POU2F1: variants seen among roughly 807,000 people sequenced by gnomAD.
The protein encoded by POU2F1 is POU domain, class 2, transcription factor 1.
In POU2F1, 16 loss-of-function variants were observed where a neutral mutation model predicts 84.9. The ratio of observed to expected loss-of-function variants is 0.19; its 90% confidence interval spans 0.13 to 0.29. The LOEUF is 0.29. Ranked by LOEUF, POU2F1 falls within the 10% of genes least tolerant of loss-of-function variation. POU2F1 has a pLI of 1.00. For missense variants in POU2F1, 738 were observed against 942.6 expected, an observed-to-expected ratio of 0.78 and a Z score of 2.84; for synonymous variants, 368 against 368.3, an observed-to-expected ratio of 1.00 and a Z score of 0.01.
At position 167,384,263 on chromosome 1, in the gene POU2F1, A is replaced by G. The variant is rs141743868; in HGVS notation, c.813+312A>G. ...ATATTACCACTTAAACTGGAAACCT[A>G]GTGAGCCTCAGTTAAAAATCCATTG... On this transcript the variant is annotated intron_variant, in intron 8 of 15. Transcript: ENST00000367866. Among the ~76,000 whole-genome samples the G allele has an allele frequency of 2.2e-3, 336 of 152,324 alleles. 4 individuals are homozygous for G. The highest frequency in any genetic ancestry group is 7.9e-3 in the African/African-American group (329 of 41,574).
chr1:167,328,305 TTA>T (rs1425528243), intron 1 of POU2F1, among the ~76,000 whole-genome samples: 1 of 152,200 alleles, frequency 6.6e-6, no homozygotes, highest in Non-Finnish European at 1.5e-5. Flanking sequence ...TCTATACTCT[TTA>T]AGATACTTTA....
intron 1 of POU2F1, among the ~76,000 whole-genome samples, chr1:167,291,326 T>G (rs562368108): frequency 6.6e-6 from 1 of 152,326 alleles, no homozygotes; most frequent in East Asian, 1.9e-4. Flanking sequence ...CCAGAAGAGA[T>G]AAAGGTTGCC....
intron 2 of POU2F1, among the ~76,000 whole-genome samples, chr1:167,347,664 A>G (rs1454751088): frequency 6.6e-6 from 1 of 152,150 alleles, no homozygotes; most frequent in Non-Finnish European, 1.5e-5. Context: ...AGGAAACCCT[A>G]TACCCCTTAA....
At position 167,225,514 on chromosome 1, in the gene POU2F1, T is replaced by C. The variant is rs1253037639; in HGVS notation, c.61+4556T>C. 3.9e-4 allele frequency among the ~76,000 whole-genome samples: 59 copies of C among 152,254 alleles called. 1 individual carries two copies. Among genetic ancestry groups the C allele is most frequent in the Admixed American group, 3.8e-3 (58 of 15,288 alleles). Reference sequence around the variant, plus strand: ...ATTGTCAATCTGCCATTCATCTGGTTAGTGGATTTTGCAATAAGTTCAGGG... The same window carrying C: ...ATTGTCAATCTGCCATTCATCTGGTCAGTGGATTTTGCAATAAGTTCAGGG... On this transcript the variant is annotated intron_variant, in intron 1 of 15. Coordinates refer to ENST00000367866, the MANE Select transcript of POU2F1 (RefSeq NM_002697.4).
Position 167,300,275 on chromosome 1 carries a change from G to A in POU2F1, c.62-32195G>A, listed in dbSNP as rs561667713. On this transcript the variant is annotated intron_variant, in intron 1 of 15. Transcript: ENST00000367866. ...GACACTGGGGACTCCAAAACGGTCAGGAGGAAGGAGAGCAAGGGTTAAAAA... is the reference window on the plus strand; with the variant it reads ...GACACTGGGGACTCCAAAACGGTCAAGAGGAAGGAGAGCAAGGGTTAAAAA... 3.3e-5 allele frequency among the ~76,000 whole-genome samples: 5 copies of A among 152,240 alleles called. No individual in the cohort carries two copies. In the East Asian group the frequency reaches 9.7e-4, roughly 29 times the overall value.
chr1:167,261,035 A>G (rs756146744), intron 1 of POU2F1, among the ~76,000 whole-genome samples: 37 of 152,154 alleles, frequency 2.4e-4, no homozygotes, highest in Non-Finnish European at 5.1e-4. Context: ...TCAGGGTCTC[A>G]ACTTTAAACC....
chr1:167,349,482 G>A (rs534830250), intron 2 of POU2F1, among the ~76,000 whole-genome samples: 1 of 152,046 alleles, frequency 6.6e-6, no homozygotes, highest in African/African-American at 2.4e-5. Context: ...TTCCCAACTA[G>A]AATGTAAGCT....
At position 167,224,597 on chromosome 1, in the gene POU2F1, G is replaced by T. The variant is rs571055442; in HGVS notation, c.61+3639G>T. 5.9e-5 allele frequency among the ~76,000 whole-genome samples: 9 copies of T among 152,206 alleles called. No homozygotes were observed. The South Asian group carries it at 1.2e-3, about 21-fold the overall frequency. ...TTTTGACATATTAATAGATTTTCTTGTAAGACATTTCTCATATTTTTAATT... is the reference window on the plus strand; with the variant it reads ...TTTTGACATATTAATAGATTTTCTTTTAAGACATTTCTCATATTTTTAATT... On this transcript the variant is annotated intron_variant, in intron 1 of 15. Transcript: ENST00000367866.
At position 167,415,934 on chromosome 1, in the gene POU2F1, G is replaced by C; in HGVS notation, c.*124G>C. 1.7e-5 allele frequency: 8 copies of C among 459,576 alleles called. No homozygotes were observed. The highest frequency in any genetic ancestry group is 1.5e-5 in the Non-Finnish European group (4 of 275,720). The allele number at this position is 459,576 out of a possible 1,614,324, so 28.5% of individuals were successfully genotyped here. A position where few individuals can be genotyped will look rare whatever the true frequency, so the allele number is the denominator to read the frequency against. On this transcript the variant is annotated 3_prime_UTR_variant, in exon 16 of 16. Coordinates refer to ENST00000367866, the MANE Select transcript of POU2F1 (RefSeq NM_002697.4). The stretch of plus-strand genomic sequence containing the variant: ...CGCCGTGTTGTGAGGGCAAAGGAGA[G>C]AAGGGAGAAAAAAAAAAAAAAACCA...
In POU2F1 at chr1:167,381,685, A is replaced by G. The variant is rs561095258; in HGVS notation, c.719-2172A>G. 3.4e-3 allele frequency among the ~76,000 whole-genome samples: 456 copies of G among 132,360 alleles called. 1 individual carries two copies. Among genetic ancestry groups the G allele is most frequent in the Middle Eastern group, 6.0e-3 (1 of 166 alleles). The allele number at this position is 132,360 out of a possible 152,430, so 86.8% of individuals were successfully genotyped here. On this transcript the variant is annotated intron_variant, in intron 7 of 15. Coordinates refer to ENST00000367866, the MANE Select transcript of POU2F1 (RefSeq NM_002697.4). ...GAGTACAGTGGCGCAGTCTTGTCTT[A>G]ACACAACCTCTGCCTCCTGGGTTCA...
At chr1:167,389,564 ATT>A (rs1557950123) in intron 8 of POU2F1, 22 bp from the exon 9 acceptor site, 3 of 1,612,348 alleles carry the variant, frequency 1.9e-6, no homozygotes, top group Non-Finnish European at 2.5e-6. Flanking sequence ...GTTTTTCCTC[ATT>A]GTTTTATTCT....
At chr1:167,276,145 T>C (rs558787543) in intron 1 of POU2F1, among the ~76,000 whole-genome samples, 2 of 152,366 alleles carry the variant, frequency 1.3e-5, no homozygotes, top group African/African-American at 2.4e-5. Flanking sequence ...AGTTGCATGC[T>C]GTTCTGAGTA....
At chr1:167,257,468 G>A (rs549304648) in intron 1 of POU2F1, among the ~76,000 whole-genome samples, 3 of 152,150 alleles carry the variant, frequency 2.0e-5, no homozygotes, top group African/African-American at 4.8e-5. Flanking sequence ...GAGCCCTGAC[G>A]TCGATTTTCA....
At chr1:167,306,830 T>A (rs1370185571) in intron 1 of POU2F1, among the ~76,000 whole-genome samples, 1 of 152,178 alleles carries the variant, frequency 6.6e-6, no homozygotes, top group African/African-American at 2.4e-5. Flanking sequence ...AATGACCAGA[T>A]CTTAACATTT....
At position 167,419,131 on chromosome 1, in the gene POU2F1, A is replaced by G. The variant is rs1455305241; in HGVS notation, c.*3321A>G. Reference sequence around the variant, plus strand: ...ACGTATATATTTTTTTATCATCTCAAGAAATGCATTTTGAATTGAATGAAC... The same window carrying G: ...ACGTATATATTTTTTTATCATCTCAGGAAATGCATTTTGAATTGAATGAAC... On this transcript the variant is annotated 3_prime_UTR_variant, in exon 16 of 16. Transcript: ENST00000367866. The G allele has an allele frequency of 6.6e-6, 1 of 152,190 alleles. No homozygotes were observed. The highest frequency in any genetic ancestry group is 2.4e-5 in the African/African-American group (1 of 41,460). 9.4% of individuals were successfully genotyped at this position (152,190 alleles called of 1,614,324 possible).
chr1:167,240,093 A>G (rs1441285640), intron 1 of POU2F1, among the ~76,000 whole-genome samples: 1 of 152,204 alleles, frequency 6.6e-6, no homozygotes, highest in Non-Finnish European at 1.5e-5. Context: ...AGACTCTACA[A>G]ATAAAATTAA....
At chr1:167,343,648 T>A (rs1658008824) in intron 2 of POU2F1, among the ~76,000 whole-genome samples, 1 of 6,828 alleles carries the variant, frequency 1.5e-4, no homozygotes, top group Non-Finnish European at 2.5e-4. Context: ...TTTTTTTTTT[T>A]TTTTTTTTTT....
chr1:167,384,773 T>C (rs2101882302), intron 8 of POU2F1, among the ~76,000 whole-genome samples: 1 of 152,134 alleles, frequency 6.6e-6, no homozygotes, highest in South Asian at 2.1e-4. Context: ...ACTGAATACT[T>C]TCCCCCTAAG....
chr1:167,367,070 C>T (rs1262354258), intron 3 of POU2F1, among the ~76,000 whole-genome samples: 1 of 152,052 alleles, frequency 6.6e-6, no homozygotes, highest in Non-Finnish European at 1.5e-5. Flanking sequence ...AATCACAGAC[C>T]CTTCAATACC....
Sources: allele counts gnomAD v4.1 joint callset (sites outside exome capture counted in the v4.1 genomes callset), GRCh38; gene constraint gnomAD v4.1.1; transcripts MANE v1.5; gene names NCBI Gene and HGNC (gene_info 2026-07-23, HGNC 2026-07-21).